Variants in RAPGEF1 observed in about 807,000 individuals in gnomAD.
RAPGEF1 encodes the protein Rap guanine nucleotide exchange factor 1.
RAPGEF1 carries 33 observed loss-of-function variants against 143.3 expected under a neutral mutation model. The observed-to-expected ratio is 0.23, with a 90% CI of 0.17 to 0.31. RAPGEF1 has a LOEUF of 0.31. Among genes scored for constraint, RAPGEF1 ranks in the 10% least tolerant of loss-of-function variants. The pLI, the probability that RAPGEF1 is intolerant of heterozygous loss-of-function variation, is 1.00. For missense variants in RAPGEF1, 1,199 were observed against 1,645.4 expected (o/e 0.73, Z 4.69); for synonymous variants, 629 against 676.5 (o/e 0.93, Z 1.09).
At chr9:131,690,791 C>CA (rs994632498) in intron 1 of RAPGEF1, among the ~76,000 whole-genome samples, 8 of 151,874 alleles carry the variant, frequency 5.3e-5, no homozygotes, top group African/African-American at 1.9e-4. Flanking sequence ...GACCCTGTCT[C>CA]AAAAAAATAA....
Position 131,628,409 on chromosome 9 carries a change from T to G in RAPGEF1, c.1017+140A>C. ...GGACCGTGTCCTGGAGAGAGAGGGA[T>G]GGGTACAAGGTCTCGCACTCCTCGA... is the stretch of plus-strand genomic sequence containing the variant. On this transcript the variant is annotated intron_variant, in intron 8 of 26. Coordinates refer to ENST00000683357, the MANE Select transcript of RAPGEF1 (RefSeq NM_001377935.1). This position sits in a 1 kb window ranked among gnomAD's most constrained non-coding sequence, Gnocchi z 5.7. 1 of 1,183,044 alleles carries G rather than the reference T, an allele frequency of 8.5e-7. No homozygotes were observed. Among genetic ancestry groups the G allele is most frequent in the Non-Finnish European group, 1.2e-6 (1 of 859,962 alleles). 73.3% of individuals were successfully genotyped at this position (1,183,044 alleles called of 1,614,324 possible).
chr9:131,722,390 A>G (rs1188150668), intron 1 of RAPGEF1, among the ~76,000 whole-genome samples: 1 of 152,220 alleles, frequency 6.6e-6, no homozygotes, highest in Non-Finnish European at 1.5e-5. Context: ...ACAGCTCTGG[A>G]GTAAGTGCCA....
At position 131,588,921 on chromosome 9, in the gene RAPGEF1, T is replaced by C. The variant is rs766831810; in HGVS notation, c.2933A>G (p.Asn978Ser). 3.7e-5 allele frequency: 59 copies of C among 1,613,740 alleles called. No homozygotes were observed. Among genetic ancestry groups the C allele is most frequent in the East Asian group, 4.5e-5 (2 of 44,888 alleles). The change falls in exon 20 of 27, where the codon AAT (asparagine) becomes AGT (serine). Residue 978 changes from asparagine (N) to serine (S), a missense_variant. Physicochemically the swap from Asn to Ser is conservative, Grantham distance 46 (BLOSUM62 1). Around this residue, in one of 6 missense-constraint regions of RAPGEF1, gnomAD observed 209 missense variants for 403.0 expected, o/e 0.52. Coordinates refer to ENST00000683357, the MANE Select transcript of RAPGEF1 (RefSeq NM_001377935.1). The stretch of plus-strand genomic sequence containing the variant: ...CACACGGGCCAGGCTCAGCTCCCCA[T>C]TGCACACCAGGCGGAAGACCAGTTC... ...LMELVFRLVC[N>S]GELSLARVLR... is the part of the protein sequence containing the mutation.
At chr9:131,671,904 A>C (rs564562399) in intron 1 of RAPGEF1, among the ~76,000 whole-genome samples, 1 of 152,374 alleles carries the variant, frequency 6.6e-6, no homozygotes, top group South Asian at 2.1e-4. Context: ...AACATGAAAC[A>C]GAAAATCTCA....
intron 25 of RAPGEF1, among the ~76,000 whole-genome samples, chr9:131,581,472 T>C (rs1015222600): frequency 6.6e-6 from 1 of 151,726 alleles, no homozygotes; most frequent in African/African-American, 2.4e-5. Context: ...GTGGATCACC[T>C]GAGGTCAAGA....
In RAPGEF1 at chr9:131,628,490, A is replaced by T. The variant is rs548617364; in HGVS notation, c.1017+59T>A. The stretch of plus-strand genomic sequence containing the variant: ...GGTTTCTTTCAGCTTCAGGAGCCAC[A>T]TCCCTGAGCCCCCCACCCCCTCCCT... On this transcript the variant is annotated intron_variant, in intron 8 of 26. Transcript: ENST00000683357. This position sits in a 1 kb window ranked among gnomAD's most constrained non-coding sequence, Gnocchi z 5.7. The T allele has an allele frequency of 5.0e-6, 8 of 1,588,508 alleles. 1 individual carries two copies. In the South Asian group the frequency reaches 8.9e-5, roughly 18 times the overall value.
chr9:131,640,196 AG>A (rs1185688759), intron 4 of RAPGEF1, among the ~76,000 whole-genome samples: 1 of 152,234 alleles, frequency 6.6e-6, no homozygotes, highest in Non-Finnish European at 1.5e-5. Flanking sequence ...CTGATCCTGC[AG>A]GGGAATGTGC....
chr9:131,669,772 G>A (rs561041450), intron 1 of RAPGEF1, among the ~76,000 whole-genome samples: 11 of 152,302 alleles, frequency 7.2e-5, no homozygotes, highest in Non-Finnish European at 1.5e-4. Flanking sequence ...GGGCCCTTGA[G>A]GTTCTGGGAA....
At chr9:131,739,365 T>C (rs957512890) in intron 1 of RAPGEF1, among the ~76,000 whole-genome samples, 3 of 152,184 alleles carry the variant, frequency 2.0e-5, no homozygotes, top group African/African-American at 7.2e-5. Flanking sequence ...TGACACATTT[T>C]ACAGCTCAGC....
chr9:131,703,151 C>A (rs901162356), intron 1 of RAPGEF1, among the ~76,000 whole-genome samples: 3 of 152,114 alleles, frequency 2.0e-5, no homozygotes, highest in Non-Finnish European at 2.9e-5. Flanking sequence ...CGTGCCACCA[C>A]GCCCAGTTAA....
intron 1 of RAPGEF1, among the ~76,000 whole-genome samples, chr9:131,665,616 G>T (rs1053398849): frequency 6.6e-6 from 1 of 152,036 alleles, no homozygotes; most frequent in Non-Finnish European, 1.5e-5. Context: ...GAGGCCCTGT[G>T]TGATTTGCAC....
At position 131,650,690 on chromosome 9, in the gene RAPGEF1, T is replaced by C. The variant is rs987161505; in HGVS notation, c.201+120A>G. On this transcript the variant is annotated intron_variant, in intron 2 of 26. Coordinates refer to ENST00000683357, the MANE Select transcript of RAPGEF1 (RefSeq NM_001377935.1). The surrounding 1 kb of genome is among the most constrained non-coding windows in gnomAD (Gnocchi z 4.7). Reference sequence around the variant, plus strand: ...GACACCAAAGGTCCCGCCCATGGAATGCTACGAAGTAGGTATGATGCACTG... The same window carrying C: ...GACACCAAAGGTCCCGCCCATGGAACGCTACGAAGTAGGTATGATGCACTG... 3.6e-6 allele frequency: 5 copies of C among 1,393,468 alleles called. No homozygotes were observed. The highest frequency in any genetic ancestry group is 4.9e-6 in the Non-Finnish European group (5 of 1,022,366). The allele number at this position is 1,393,468 out of a possible 1,614,324, so 86.3% of individuals were successfully genotyped here. A position where few individuals can be genotyped will look rare whatever the true frequency, so the allele number is the denominator to read the frequency against.
At chr9:131,598,622 A>G in intron 15 of RAPGEF1, 2 of 501,322 alleles carry the variant, frequency 4.0e-6, no homozygotes, top group South Asian at 3.1e-5. Context: ...CCGCACAGTT[A>G]GCATTTAGGG....
At chr9:131,737,718 A>G (rs1007176979) in intron 1 of RAPGEF1, among the ~76,000 whole-genome samples, 1 of 152,218 alleles carries the variant, frequency 6.6e-6, no homozygotes, top group African/African-American at 2.4e-5. Flanking sequence ...TAATCCCAAC[A>G]CTTTGGGAGG....
chr9:131,628,535 A>AG lies in RAPGEF1; in HGVS notation c.1017+13dup, dbSNP rs1252712785. On this transcript the variant is annotated intron_variant, in intron 8 of 26. Transcript: ENST00000683357. The surrounding 1 kb of genome is among the most constrained non-coding windows in gnomAD (Gnocchi z 5.7). ...CTCCCTGCCTTCCCATGCAGGGAAC[A>AG]GGGGCTGCATTACCTGCCTATTGAT... 5 of 1,611,320 alleles carry AG rather than the reference A, an allele frequency of 3.1e-6. No individual in the cohort carries two copies. The highest frequency in any genetic ancestry group is 4.2e-6 in the Non-Finnish European group (5 of 1,177,960).
At chr9:131,708,855 T>C (rs1048859734) in intron 1 of RAPGEF1, among the ~76,000 whole-genome samples, 2 of 152,108 alleles carry the variant, frequency 1.3e-5, no homozygotes, top group Non-Finnish European at 2.9e-5. Flanking sequence ...CTCAGCCTTA[T>C]GCCTGTAGCT....
intron 10 of RAPGEF1, among the ~76,000 whole-genome samples, chr9:131,625,351 T>G (rs1355394390): frequency 6.6e-6 from 1 of 152,196 alleles, no homozygotes; most frequent in African/African-American, 2.4e-5. Context: ...TGGAAAATAT[T>G]CAAAACTTCA....
chr9:131,724,475 G>T (rs1396489118), intron 1 of RAPGEF1, among the ~76,000 whole-genome samples: 1 of 152,114 alleles, frequency 6.6e-6, no homozygotes, highest in Non-Finnish European at 1.5e-5. Flanking sequence ...GGCGCCTGTA[G>T]TCCCAGCTAC....
intron 1 of RAPGEF1, among the ~76,000 whole-genome samples, chr9:131,671,643 G>C (rs1831409910): frequency 6.6e-6 from 1 of 152,182 alleles, no homozygotes; most frequent in Admixed American, 6.5e-5. Flanking sequence ...GAGGACATGT[G>C]GGGGTCACTT....
Sources: allele counts gnomAD v4.1 joint callset (sites outside exome capture counted in the v4.1 genomes callset), GRCh38; gene constraint gnomAD v4.1.1; regional missense constraint gnomAD v4.1.1; non-coding constraint Gnocchi (gnomAD v3.1); transcripts MANE v1.5; gene names NCBI Gene and HGNC (gene_info 2026-07-23, HGNC 2026-07-21).